ATP2B2: variants seen among roughly 807,000 people sequenced by gnomAD.
ATP2B2 encodes the protein plasma membrane calcium-transporting ATPase 2.
Under a neutral mutation model 120.0 loss-of-function variants are expected in ATP2B2, and 15 were observed. The ratio of observed to expected loss-of-function variants is 0.12; its 90% CI spans 0.08 to 0.19. The LOEUF (loss-of-function observed/expected upper bound fraction) is 0.19, where lower values mean the gene tolerates loss of function less well. Ranked by LOEUF, ATP2B2 falls within the 10% of genes least tolerant of loss-of-function variation. The pLI is 1.00. For missense variants in ATP2B2, 1,045 were observed against 1,719.8 expected, an observed-to-expected ratio of 0.61 and a Z score of 6.94; for synonymous variants, 694 against 700.3, an observed-to-expected ratio of 0.99 and a Z score of 0.14.
At chr3:10,584,456 C>T (rs1255004991) in intron 2 of ATP2B2, among the ~76,000 whole-genome samples, 3 of 152,144 alleles carry the variant, frequency 2.0e-5, no homozygotes, top group African/African-American at 7.2e-5. Flanking sequence ...ACAGGTGCCA[C>T]CCTGGATCTC....
chr3:10,372,563 T>C (rs949616349), intron 11 of ATP2B2, among the ~76,000 whole-genome samples: 18 of 152,234 alleles, frequency 1.2e-4, no homozygotes, highest in African/African-American at 4.3e-4. Context: ...TTAATGTCAT[T>C]ATTGCTAAGT....
Position 10,329,057 on chromosome 3 carries a change from G to A in ATP2B2, c.3489C>T (p.Ser1163=), listed in dbSNP as rs923715999. 1 of 1,613,784 alleles carries A rather than the reference G, an allele frequency of 6.2e-7. No individual in the cohort carries two copies. The highest frequency in any genetic ancestry group is 1.3e-5 in the African/African-American group (1 of 74,814). Residue 1163 remains serine (S), a synonymous_variant, in exon 23 of 23, where the codon TCC becomes TCT. Coordinates refer to ENST00000360273, the MANE Select transcript of ATP2B2 (RefSeq NM_001001331.4). This position sits in a 1 kb window ranked among gnomAD's most constrained non-coding sequence, Gnocchi z 5.9. ...CAGGATGAGCCATGAAGTTATGGATGGAGGTTCGAGATTCAGGCTTTTCTA... is the reference window on the plus strand; with the variant it reads ...CAGGATGAGCCATGAAGTTATGGATAGAGGTTCGAGATTCAGGCTTTTCTA... ...EGLEKPESRT[S]IHNFMAHPEF... is the part of the protein sequence containing the mutation.
intron 5 of ATP2B2, among the ~76,000 whole-genome samples, chr3:10,392,175 C>T (rs1394194893): frequency 6.6e-6 from 1 of 152,132 alleles, no homozygotes; most frequent in Non-Finnish European, 1.5e-5. Context: ...CTGGGCCTCC[C>T]CCGCACAGCC....
chr3:10,395,805 A>C (rs759082422), intron 5 of ATP2B2, among the ~76,000 whole-genome samples: 106 of 152,346 alleles, frequency 7.0e-4, no homozygotes, highest in Non-Finnish European at 1.0e-3. Flanking sequence ...CAAAGTGAGC[A>C]CTGAGGTCAG....
chr3:10,391,255 A>G (rs903723555), intron 5 of ATP2B2, among the ~76,000 whole-genome samples: 1 of 152,160 alleles, frequency 6.6e-6, no homozygotes, highest in East Asian at 1.9e-4. Context: ...TGAGGGGCAG[A>G]GCCTGGACTT....
intron 1 of ATP2B2, among the ~76,000 whole-genome samples, chr3:10,688,430 C>A (rs912490933): frequency 2.0e-5 from 3 of 152,186 alleles, no homozygotes. Context: ...AGAATGGGGG[C>A]TTGTCTTACT....
Position 10,416,914 on chromosome 3 carries a change from A to C in ATP2B2, c.200-6099T>G, listed in dbSNP as rs1403987205. ...CTCCTCACTTCCCAGATGGGGCGGC[A>C]GCCGGGCAGAGGCACTTCTCACTTC... On this transcript the variant is annotated intron_variant, in intron 2 of 22. Coordinates refer to ENST00000360273, the MANE Select transcript of ATP2B2 (RefSeq NM_001001331.4). 2.7e-5 allele frequency among the ~76,000 whole-genome samples: 4 copies of C among 148,926 alleles called. No individual in the cohort carries two copies. The East Asian group carries it at 8.1e-4, about 30-fold the overall frequency.
intron 3 of ATP2B2, among the ~76,000 whole-genome samples, chr3:10,520,614 C>T (rs373465706): frequency 7.6e-4 from 116 of 152,162 alleles, no homozygotes; most frequent in African/African-American, 2.4e-3. Context: ...GGATTACAGG[C>T]GGGCACCACC....
At chr3:10,396,975 C>A (rs1305626725) in intron 5 of ATP2B2, among the ~76,000 whole-genome samples, 1 of 152,218 alleles carries the variant, frequency 6.6e-6, no homozygotes, top group Non-Finnish European at 1.5e-5. Flanking sequence ...TATGTTGAGC[C>A]TCCCTGTGCA....
chr3:10,348,680 G>A (rs2060494398), intron 16 of ATP2B2, among the ~76,000 whole-genome samples: 1 of 152,232 alleles, frequency 6.6e-6, no homozygotes, highest in Non-Finnish European at 1.5e-5. Context: ...CATGGCCTGT[G>A]ACCTAAAGCC....
intron 1 of ATP2B2, among the ~76,000 whole-genome samples, chr3:10,636,719 G>A (rs556530590): frequency 6.6e-6 from 1 of 152,320 alleles, no homozygotes; most frequent in South Asian, 2.1e-4. Flanking sequence ...ACTGCCTTGA[G>A]AGGGTTTCAA....
intron 1 of ATP2B2, among the ~76,000 whole-genome samples, chr3:10,476,609 T>C (rs371964876): frequency 2.0e-5 from 3 of 152,230 alleles, no homozygotes; most frequent in Admixed American, 6.5e-5. Flanking sequence ...CACAGGATCC[T>C]GTAGTCAGTA....
At chr3:10,599,086 G>A (rs1367441809) in intron 2 of ATP2B2, among the ~76,000 whole-genome samples, 8 of 152,234 alleles carry the variant, frequency 5.3e-5, no homozygotes, top group African/African-American at 7.2e-5. Context: ...CAGGGGGAGC[G>A]GAAGCAAGCC....
intron 3 of ATP2B2, among the ~76,000 whole-genome samples, chr3:10,523,664 A>C (rs80100221): frequency 0.018 from 2,695 of 152,288 alleles, 38 homozygotes; most frequent in Admixed American, 0.036. Flanking sequence ...ATGCCATCGG[A>C]AAAACCGTGG....
intron 1 of ATP2B2, among the ~76,000 whole-genome samples, chr3:10,499,847 A>G (rs1187958817): frequency 6.6e-6 from 1 of 152,084 alleles, no homozygotes; most frequent in Admixed American, 6.5e-5. Context: ...CCAGCTACAA[A>G]AAGGTGGAAA....
At chr3:10,403,606 T>G (rs2062305451) in intron 3 of ATP2B2, among the ~76,000 whole-genome samples, 1 of 152,206 alleles carries the variant, frequency 6.6e-6, no homozygotes, top group Non-Finnish European at 1.5e-5. Context: ...CTCTGGGACC[T>G]GGGGAGCGGC....
At chr3:10,350,338 T>C (rs1451426361) in intron 15 of ATP2B2, 60 bp downstream of exon 15, 19 of 1,610,462 alleles carry the variant, frequency 1.2e-5, no homozygotes, top group Non-Finnish European at 1.4e-5. Context: ...TGCAGCACCC[T>C]ACCTCCCAGC....
At chr3:10,562,592 C>G (rs1036493240) in intron 2 of ATP2B2, among the ~76,000 whole-genome samples, 1 of 152,124 alleles carries the variant, frequency 6.6e-6, no homozygotes, top group African/African-American at 2.4e-5. Context: ...ATCTCTAGTC[C>G]TCCATCTCTT....
At position 10,327,171 on chromosome 3, in the gene ATP2B2, C is replaced by T. The variant is rs1312068549; in HGVS notation, c.*1643G>A. The T allele has an allele frequency of 8.7e-6, 2 of 229,772 alleles. No homozygotes were observed. The highest frequency in any genetic ancestry group is 1.7e-4 in the East Asian group (2 of 11,512). 14.2% of individuals were successfully genotyped at this position (229,772 alleles called of 1,614,324 possible). On this transcript the variant is annotated 3_prime_UTR_variant, in exon 23 of 23. Coordinates refer to ENST00000360273, the MANE Select transcript of ATP2B2 (RefSeq NM_001001331.4). ...AAGTGCTTAGCAGTTAAGAGGCTGA[C>T]ATCCAATTAAATAAGCTCTTATTAA...
Sources: gnomAD v4.1 joint callset for allele counts (sites outside exome capture counted in the v4.1 genomes callset) on GRCh38, gnomAD v4.1.1 for gene constraint, Gnocchi (gnomAD v3.1) non-coding constraint, MANE v1.5 for transcripts, NCBI Gene and HGNC (gene_info 2026-07-23, HGNC 2026-07-21) for gene names.